CLIP2: variants seen among roughly 807,000 people sequenced by gnomAD.
CLIP2 encodes the protein CAP-Gly domain-containing linker protein 2.
In CLIP2, 41 loss-of-function variants were observed where a neutral mutation model predicts 111.7. The observed-to-expected ratio is 0.37, with a 90% CI of 0.29 to 0.48. CLIP2 has a LOEUF of 0.48. Among genes scored for constraint, CLIP2 ranks in the 20% least tolerant of loss-of-function variants. The pLI is 0.99. For missense variants in CLIP2, 1,160 were observed against 1,422.1 expected (o/e 0.82, Z 2.96); for synonymous variants, 660 against 644.2 (o/e 1.02, Z -0.37).
intron 2 of CLIP2, among the ~76,000 whole-genome samples, chr7:74,325,912 G>T (rs1584327389): frequency 6.6e-6 from 1 of 152,018 alleles, no homozygotes; most frequent in East Asian, 1.9e-4. Flanking sequence ...ATGAGCACAG[G>T]GGCCAACCAT....
intron 12 of CLIP2, 78 bp downstream of exon 12, chr7:74,386,682 G>A (rs1791111494): frequency 1.7e-6 from 2 of 1,188,710 alleles, no homozygotes; most frequent in Non-Finnish European, 2.4e-6. Flanking sequence ...TAAGCATGGA[G>A]TGGGTCAGGG....
intron 2 of CLIP2, among the ~76,000 whole-genome samples, chr7:74,322,687 C>T (rs1017797449): frequency 1.3e-5 from 2 of 152,120 alleles, no homozygotes; most frequent in Admixed American, 6.6e-5. Context: ...GAATTACAGG[C>T]GTGAGCCACT....
Position 74,376,923 on chromosome 7 carries a change from C to G in CLIP2, c.2421+101C>G, listed in dbSNP as rs912177616. 18 of 1,193,922 alleles carry G rather than the reference C, an allele frequency of 1.5e-5. No homozygotes were observed. Among genetic ancestry groups the G allele is most frequent in the Non-Finnish European group, 1.6e-5 (14 of 877,346 alleles). 74.0% of individuals were successfully genotyped at this position (1,193,922 alleles called of 1,614,324 possible). ...GCAGCCCAGGAAGCATTTCCCTTGT[C>G]CCCGAGAGCATGCCTGGGGCAGTCA... is the stretch of plus-strand genomic sequence containing the variant. On this transcript the variant is annotated intron_variant, in intron 10 of 16. Coordinates refer to ENST00000223398, the MANE Select transcript of CLIP2 (RefSeq NM_003388.5). The surrounding 1 kb of genome is among the most constrained non-coding windows in gnomAD (Gnocchi z 7.1).
At chr7:74,335,041 T>A (rs1033658270) in intron 2 of CLIP2, among the ~76,000 whole-genome samples, 1 of 151,910 alleles carries the variant, frequency 6.6e-6, no homozygotes, top group Non-Finnish European at 1.5e-5. Flanking sequence ...CCAGACTAGC[T>A]GGGTGTCCTA....
At chr7:74,336,926 C>G (rs1789490376) in intron 2 of CLIP2, among the ~76,000 whole-genome samples, 1 of 149,046 alleles carries the variant, frequency 6.7e-6, no homozygotes, top group African/African-American at 2.5e-5. Flanking sequence ...CACTCTGTCA[C>G]CCAGGCTGGA....
At position 74,359,228 on chromosome 7, in the gene CLIP2, C is replaced by T. The variant is rs145512422; in HGVS notation, c.1216-947C>T. On this transcript the variant is annotated intron_variant, in intron 6 of 16. Coordinates refer to ENST00000223398, the MANE Select transcript of CLIP2 (RefSeq NM_003388.5). ...AAGTGATCAGCCCGCCTCGGCCTCC[C>T]AGTGTACTGGGATTACATGTGTGAG... Among the ~76,000 whole-genome samples the T allele has an allele frequency of 3.2e-3, 484 of 151,640 alleles. 2 individuals are homozygous for T. The highest frequency in any genetic ancestry group is 8.3e-3 in the African/African-American group (341 of 41,288).
intron 2 of CLIP2, among the ~76,000 whole-genome samples, chr7:74,322,991 A>G (rs1554730210): frequency 6.6e-6 from 1 of 151,992 alleles, no homozygotes; most frequent in East Asian, 1.9e-4. Context: ...GGCCTTCCAA[A>G]GCGCTGGGAT....
At chr7:74,388,330 C>T (rs1791179197) in intron 12 of CLIP2, among the ~76,000 whole-genome samples, 1 of 151,176 alleles carries the variant, frequency 6.6e-6, no homozygotes, top group African/African-American at 2.4e-5. Flanking sequence ...GACTCTATCA[C>T]ACACACACAC....
At chr7:74,326,238 T>A (rs1190437582) in intron 2 of CLIP2, among the ~76,000 whole-genome samples, 1 of 152,120 alleles carries the variant, frequency 6.6e-6, no homozygotes, top group Non-Finnish European at 1.5e-5. Context: ...AGACTCTGTC[T>A]CATAAAAATA....
At chr7:74,335,663 C>CTTCT (rs1789428769) in intron 2 of CLIP2, among the ~76,000 whole-genome samples, 1 of 144,124 alleles carries the variant, frequency 6.9e-6, no homozygotes, top group Admixed American at 7.1e-5. Context: ...TCCTTCCTTC[C>CTTCT]TTCCTTCCTT....
intron 1 of CLIP2, among the ~76,000 whole-genome samples, chr7:74,290,309 A>G (rs1787978272): frequency 6.6e-6 from 1 of 152,206 alleles, no homozygotes; most frequent in African/African-American, 2.4e-5. Flanking sequence ...GAGGTGGGGT[A>G]GGAGGAGATT....
rs113845487 is a variant in CLIP2, at chr7:74,395,183, G to A, written c.2721-1891G>A. On this transcript the variant is annotated intron_variant, in intron 13 of 16. Coordinates refer to ENST00000223398, the MANE Select transcript of CLIP2 (RefSeq NM_003388.5). ...TTCTTCTTTTTTTTTTTTCTGAGAC[G>A]GAGTTTTGCTCTGTGACCCAGGCTG... Among the ~76,000 whole-genome samples the A allele has an allele frequency of 4.4e-3, 669 of 150,496 alleles. 4 individuals are homozygous for A. The highest frequency in any genetic ancestry group is 0.016 in the African/African-American group (640 of 40,944).
At chr7:74,305,991 G>A (rs1554727697) in intron 1 of CLIP2, among the ~76,000 whole-genome samples, 1 of 151,996 alleles carries the variant, frequency 6.6e-6, no homozygotes, top group Non-Finnish European at 1.5e-5. Context: ...CAGCCTGATT[G>A]CTGGGGCACG....
At position 74,403,829 on chromosome 7, in the gene CLIP2, C is replaced by G. The variant is rs782643052; in HGVS notation, c.3130-8C>G. 3.7e-5 allele frequency: 59 copies of G among 1,613,370 alleles called. No homozygotes were observed. The Middle Eastern group carries it at 5.0e-4, about 14-fold the overall frequency. ...ACCCTTGCTGATGATGCCCTTTACTCTCTCTAGGACAAGCACTGATCCTGA... is the reference window on the plus strand; with the variant it reads ...ACCCTTGCTGATGATGCCCTTTACTGTCTCTAGGACAAGCACTGATCCTGA... On this transcript the variant is annotated splice_region_variant and splice_polypyrimidine_tract_variant and intron_variant, in intron 16 of 16. Coordinates refer to ENST00000223398, the MANE Select transcript of CLIP2 (RefSeq NM_003388.5).
intron 13 of CLIP2, among the ~76,000 whole-genome samples, chr7:74,392,090 G>A (rs1182281526): frequency 6.6e-6 from 1 of 150,752 alleles, no homozygotes; most frequent in African/African-American, 2.4e-5. Context: ...AGTGGCTCAC[G>A]CCTGTAATCC....
intron 14 of CLIP2, among the ~76,000 whole-genome samples, chr7:74,399,547 G>A (rs1273987312): frequency 7.8e-6 from 1 of 127,536 alleles, no homozygotes; most frequent in Non-Finnish European, 1.7e-5. Context: ...TTTTTTGGGG[G>A]GGGGGGGGTG....
intron 16 of CLIP2, among the ~76,000 whole-genome samples, chr7:74,403,582 CACAA>C (rs541365165): frequency 6.6e-6 from 1 of 152,224 alleles, no homozygotes; most frequent in East Asian, 1.9e-4. Flanking sequence ...CAAACAAACA[CACAA>C]ACAAACAAAA....
At chr7:74,361,799 G>A (rs1309965284) in intron 7 of CLIP2, among the ~76,000 whole-genome samples, 5 of 152,124 alleles carry the variant, frequency 3.3e-5, no homozygotes, top group Admixed American at 6.6e-5. Flanking sequence ...TGTGTGCTTC[G>A]CTGGTGTCAT....
rs554054129 is a variant in CLIP2, at chr7:74,405,867, C to A, written c.*2019C>A. The A allele has an allele frequency of 6.6e-6, 1 of 152,632 alleles. No individual in the cohort carries two copies. Among genetic ancestry groups the A allele is most frequent in the East Asian group, 1.9e-4 (1 of 5,174 alleles). 9.5% of individuals were successfully genotyped at this position (152,632 alleles called of 1,614,324 possible). On this transcript the variant is annotated 3_prime_UTR_variant, in exon 17 of 17. Coordinates refer to ENST00000223398, the MANE Select transcript of CLIP2 (RefSeq NM_003388.5). ...AGGTCCTTCATTCACCCCTCCCCTC[C>A]CCACAGTGGAATTGTTGAAGTGTGG...
Sources: gnomAD v4.1 joint callset for allele counts (sites outside exome capture counted in the v4.1 genomes callset) on GRCh38, gnomAD v4.1.1 for gene constraint, Gnocchi (gnomAD v3.1) non-coding constraint, MANE v1.5 for transcripts, NCBI Gene and HGNC (gene_info 2026-07-23, HGNC 2026-07-21) for gene names.